The following TMEM51 variants were observed in gnomAD, a reference collection of about 807,000 sequenced individuals.
The protein encoded by TMEM51 is chromosome 1 open reading frame 72.
In TMEM51, 8 loss-of-function variants were observed where a neutral mutation model predicts 13.6. The observed-to-expected ratio is 0.59, with a 90% CI of 0.35 to 1.07. TMEM51 has a LOEUF of 1.07. Ranked by LOEUF, TMEM51 falls within the 50% of genes least tolerant of loss-of-function variation. The probability of loss-of-function intolerance (pLI) is 0.02; values close to 1 mark genes in which losing one functional copy is unlikely to be tolerated. For synonymous variants in TMEM51, 147 were observed against 144.4 expected, an observed-to-expected ratio of 1.02 and a Z score of -0.13; for missense variants, 279 against 330.7, an observed-to-expected ratio of 0.84 and a Z score of 1.21.
intron 1 of TMEM51, among the ~76,000 whole-genome samples, chr1:15,164,807 C>CTTTTTTTT (rs67258662): frequency 8.6e-6 from 1 of 116,316 alleles, no homozygotes; most frequent in South Asian, 2.8e-4. Context: ...TTTTTTTTTC[C>CTTTTTTTT]TTTTTTTTTT....
chr1:15,168,131 C>G (rs527744075), intron 1 of TMEM51, among the ~76,000 whole-genome samples: 151 of 152,254 alleles, frequency 9.9e-4, no homozygotes, highest in African/African-American at 3.2e-3. Context: ...GCCTGGTCAT[C>G]AAAGCAATAA....
At chr1:15,159,361 C>T (rs892646540) in intron 1 of TMEM51, among the ~76,000 whole-genome samples, 3 of 152,160 alleles carry the variant, frequency 2.0e-5, no homozygotes, top group Non-Finnish European at 2.9e-5. Context: ...CGACTCAAAA[C>T]ACACGTTCAC....
intron 1 of TMEM51, among the ~76,000 whole-genome samples, chr1:15,194,956 T>C (rs919264008): frequency 4.1e-5 from 6 of 146,594 alleles, no homozygotes; most frequent in Non-Finnish European, 7.5e-5. Context: ...AGGGTCTTGC[T>C]GTGTGTCACC....
At chr1:15,159,372 G>A (rs568046505) in intron 1 of TMEM51, among the ~76,000 whole-genome samples, 8 of 152,212 alleles carry the variant, frequency 5.3e-5, no homozygotes, top group East Asian at 3.9e-4. Flanking sequence ...ACACGTTCAC[G>A]GTGCAGCCTG....
At chr1:15,174,054 A>G (rs1450905742) in intron 1 of TMEM51, among the ~76,000 whole-genome samples, 2 of 152,232 alleles carry the variant, frequency 1.3e-5, no homozygotes, top group Non-Finnish European at 2.9e-5. Flanking sequence ...AAGCAGCAGT[A>G]AAGAAAACAG....
intron 3 of TMEM51, 106 bp from the exon 4 acceptor site, chr1:15,219,220 T>C: frequency 8.1e-7 from 1 of 1,230,648 alleles, no homozygotes; most frequent in Non-Finnish European, 1.1e-6. Context: ...ACCCATTTGT[T>C]ATTTACAAGG....
At chr1:15,174,382 A>G (rs1436811121) in intron 1 of TMEM51, among the ~76,000 whole-genome samples, 1 of 152,124 alleles carries the variant, frequency 6.6e-6, no homozygotes, top group Non-Finnish European at 1.5e-5. Context: ...AGCTGGGACT[A>G]TGGACACGCT....
intron 1 of TMEM51, among the ~76,000 whole-genome samples, chr1:15,174,971 G>A (rs1384790069): frequency 6.6e-6 from 1 of 152,144 alleles, no homozygotes; most frequent in African/African-American, 2.4e-5. Context: ...ATTTTGGATG[G>A]ACACAAATAT....
intron 1 of TMEM51, among the ~76,000 whole-genome samples, chr1:15,201,341 A>G (rs1644151781): frequency 6.6e-6 from 1 of 151,624 alleles, no homozygotes; most frequent in African/African-American, 2.4e-5. Context: ...TTTTATAAAT[A>G]AAAACAAAAC....
At chr1:15,187,899 C>T (rs1365561671) in intron 1 of TMEM51, among the ~76,000 whole-genome samples, 1 of 152,156 alleles carries the variant, frequency 6.6e-6, no homozygotes, top group African/African-American at 2.4e-5. Context: ...CATTCCTGAG[C>T]CCCCACTTTG....
At chr1:15,217,453 T>TC (rs1232444217) in intron 3 of TMEM51, among the ~76,000 whole-genome samples, 1 of 152,198 alleles carries the variant, frequency 6.6e-6, no homozygotes, top group African/African-American at 2.4e-5. Context: ...GTCAGGGTTC[T>TC]CCAGAGACAC....
rs1310086911 is a variant in TMEM51, at chr1:15,220,391, A to AAG, written c.*649_*650insGA. On this transcript the variant is annotated 3_prime_UTR_variant, in exon 4 of 4. Coordinates refer to ENST00000376008, the MANE Select transcript of TMEM51 (RefSeq NM_001136218.2). ...TGTGTAACAGCAAAAAAAAAAAAAA[A>AAG]AAGAAGAAGAAAGAAAACTGTAGGA... The AAG allele has an allele frequency of 1.3e-5, 2 of 151,600 alleles. No homozygotes were observed. The highest frequency in any genetic ancestry group is 4.8e-5 in the African/African-American group (2 of 41,322). 9.4% of individuals were successfully genotyped at this position (151,600 alleles called of 1,614,324 possible).
At chr1:15,208,027 G>A (rs1644279993) in intron 1 of TMEM51, among the ~76,000 whole-genome samples, 1 of 152,180 alleles carries the variant, frequency 6.6e-6, no homozygotes, top group Admixed American at 6.5e-5. Context: ...TATCTACTAA[G>A]TACCTGTTAA....
intron 1 of TMEM51, among the ~76,000 whole-genome samples, chr1:15,200,761 C>T (rs1179908612): frequency 6.6e-6 from 1 of 152,140 alleles, no homozygotes; most frequent in Non-Finnish European, 1.5e-5. Flanking sequence ...CAATTATTTA[C>T]AACACATCCA....
intron 1 of TMEM51, chr1:15,171,225 G>T: frequency 3.1e-6 from 4 of 1,303,990 alleles, no homozygotes; most frequent in Non-Finnish European, 4.0e-6. Flanking sequence ...GGCCACGCCT[G>T]GAAGATCGCT....
rs148432134 is a variant in TMEM51 at position 15,196,432 on chromosome 1, AAG to A, written c.-266-14051_-266-14050del. ...TGTGCGTGTGCATGCACACATGTGA[AAG>A]AGAGAGGGGGAGGGAGAGAGAGCTA... On this transcript the variant is annotated intron_variant, in intron 1 of 3. Coordinates refer to ENST00000376008, the MANE Select transcript of TMEM51 (RefSeq NM_001136218.2). Among the ~76,000 whole-genome samples the A allele has an allele frequency of 2.3e-3, 348 of 152,036 alleles. 2 individuals are homozygous for A. The highest frequency in any genetic ancestry group is 8.1e-3 in the African/African-American group (335 of 41,456).
chr1:15,152,768 CGG>C (rs1642439075), upstream of TMEM51: 2 of 65,956 alleles, frequency 3.0e-5, no homozygotes, highest in Non-Finnish European at 8.8e-5. Context: ...CTCCAAGGGG[CGG>C]AGGCAGAGCC....
At chr1:15,163,889 C>T (rs183361109) in intron 1 of TMEM51, among the ~76,000 whole-genome samples, 11 of 151,014 alleles carry the variant, frequency 7.3e-5, no homozygotes, top group East Asian at 5.8e-4. Flanking sequence ...AGTACAGTGG[C>T]GTGGTCTCGG....
chr1:15,201,544 G>A (rs115536150), intron 1 of TMEM51, among the ~76,000 whole-genome samples: 380 of 152,200 alleles, frequency 2.5e-3, no homozygotes, highest in African/African-American at 8.3e-3. Context: ...CCACAATTCC[G>A]AAATGTAACA....
Sources: gnomAD v4.1 joint callset for allele counts (sites outside exome capture counted in the v4.1 genomes callset) on GRCh38, gnomAD v4.1.1 for gene constraint, MANE v1.5 for transcripts, NCBI Gene and HGNC (gene_info 2026-07-23, HGNC 2026-07-21) for gene names.